The following SOX5 variants were observed in gnomAD, a reference collection of about 807,000 sequenced individuals.
SOX5 encodes the protein transcription factor SOX-5.
SOX5 carries 9 observed loss-of-function variants against 92.0 expected under a neutral mutation model. The ratio of observed to expected loss-of-function variants is 0.10; its 90% CI spans 0.06 to 0.17. The LOEUF (loss-of-function observed/expected upper bound fraction) is 0.17. Among genes scored for constraint, SOX5 ranks in the 10% least tolerant of loss-of-function variants. SOX5 has a pLI of 1.00. For synonymous variants in SOX5, 344 were observed against 336.3 expected (o/e 1.02, Z -0.25); for missense variants, 642 against 944.5 (o/e 0.68, Z 4.20).
At chr12:24,261,483 C>T (rs1942077062) in intron 3 of SOX5, among the ~76,000 whole-genome samples, 2 of 152,286 alleles carry the variant, frequency 1.3e-5, no homozygotes, top group African/African-American at 4.8e-5. Context: ...CGAAAATCCA[C>T]TCCCACCTAC....
chr12:24,477,830 T>C (rs1945563555), intron 1 of SOX5, among the ~76,000 whole-genome samples: 1 of 152,086 alleles, frequency 6.6e-6, no homozygotes, highest in Non-Finnish European at 1.5e-5. Flanking sequence ...TAGATAGAAG[T>C]ATTAATCATT....
At chr12:23,657,158 A>G (rs2082412044) in intron 7 of SOX5, among the ~76,000 whole-genome samples, 1 of 151,966 alleles carries the variant, frequency 6.6e-6, no homozygotes, top group African/African-American at 2.4e-5. Flanking sequence ...TGGATAAGGT[A>G]TCTAAGACCA....
intron 4 of SOX5, among the ~76,000 whole-genome samples, chr12:23,960,460 CATGTTTTATATATAT>C (rs1279104904): frequency 3.6e-5 from 5 of 137,198 alleles, no homozygotes; most frequent in African/African-American, 5.6e-5. Context: ...CATGTGAATC[CATGTTTTATATATAT>C]ATGTTTTATA....
At chr12:23,858,087 GTGTA>G (rs1056874049) in intron 2 of SOX5, among the ~76,000 whole-genome samples, 1 of 151,784 alleles carries the variant, frequency 6.6e-6, no homozygotes, top group African/African-American at 2.4e-5. Flanking sequence ...GTGTGTGTGT[GTGTA>G]TATGCAAGGC....
At chr12:24,131,704 A>G (rs1565497967) in intron 4 of SOX5, among the ~76,000 whole-genome samples, 3 of 152,188 alleles carry the variant, frequency 2.0e-5, no homozygotes, top group Non-Finnish European at 4.4e-5. Context: ...ATACTTTAGG[A>G]ATTATGAACT....
At chr12:23,741,980 C>T (rs2093813101) in intron 4 of SOX5, among the ~76,000 whole-genome samples, 1 of 152,108 alleles carries the variant, frequency 6.6e-6, no homozygotes, top group African/African-American at 2.4e-5. Flanking sequence ...TCTTTTAGAA[C>T]TCACAAGATA....
chr12:23,534,120 A>T lies in SOX5; in HGVS notation c.*99T>A. On this transcript the variant is annotated 3_prime_UTR_variant, in exon 15 of 15. Transcript: ENST00000451604. The stretch of plus-strand genomic sequence containing the variant: ...ATTTAAGACTAACAGTTAAAGTAAC[A>T]GTCAGTGTATGAGAAAGTTAATGTG... 1 of 929,216 alleles carries T rather than the reference A, an allele frequency of 1.1e-6. No individual in the cohort carries two copies. 57.6% of individuals were successfully genotyped at this position (929,216 alleles called of 1,614,324 possible). A position where few individuals can be genotyped will look rare whatever the true frequency, so the allele number is the denominator to read the frequency against.
intron 9 of SOX5, among the ~76,000 whole-genome samples, chr12:23,580,483 T>C (rs1039591262): frequency 6.6e-6 from 1 of 152,026 alleles, no homozygotes; most frequent in Admixed American, 6.6e-5. Flanking sequence ...CTCTATGCTA[T>C]ATAGCATTGA....
Position 24,338,515 on chromosome 12 carries a change from C to T in SOX5, c.-174+30048G>A, listed in dbSNP as rs1423125307. 3.9e-5 allele frequency among the ~76,000 whole-genome samples: 6 copies of T among 152,250 alleles called. No homozygotes were observed. In the South Asian group the frequency reaches 1.0e-3, roughly 26 times the overall value. On this transcript the variant is annotated intron_variant, in intron 2 of 4. Coordinates refer to the SOX5 transcript ENST00000446891. ...TAGGAAATAAAGTTGATATTTAATG[C>T]TTGTAATGGTGTTTGTACATCAGGT... is the stretch of plus-strand genomic sequence containing the variant.
chr12:24,070,989 C>G (rs982880794), intron 4 of SOX5, among the ~76,000 whole-genome samples: 3 of 152,088 alleles, frequency 2.0e-5, no homozygotes, highest in Non-Finnish European at 4.4e-5. Context: ...ACCTTATATG[C>G]CAAACATTAT....
At chr12:24,118,321 T>C (rs1314263901) in intron 4 of SOX5, among the ~76,000 whole-genome samples, 4 of 152,208 alleles carry the variant, frequency 2.6e-5, no homozygotes, top group African/African-American at 9.6e-5. Flanking sequence ...GTATTTGTAC[T>C]ATCTACTATG....
chr12:24,438,956 G>A (rs12228324), intron 1 of SOX5, among the ~76,000 whole-genome samples: 2,270 of 152,336 alleles, frequency 0.015, 27 homozygotes, highest in Non-Finnish European at 0.025. Flanking sequence ...TCTACTGTGG[G>A]TAAAATGCTG....
intron 3 of SOX5, among the ~76,000 whole-genome samples, chr12:23,829,986 A>G (rs4430596): frequency 0.98 from 149,345 of 152,214 alleles, 73,337 homozygotes; most frequent in East Asian, 1. Flanking sequence ...ATTACCAAGC[A>G]GAATTTCTGA....
chr12:24,529,091 G>A (rs1319771080), intron 1 of SOX5, among the ~76,000 whole-genome samples: 5 of 152,168 alleles, frequency 3.3e-5, no homozygotes, highest in African/African-American at 1.2e-4. Flanking sequence ...ACTAGCCTAA[G>A]GTCAGAAGGA....
intron 6 of SOX5, among the ~76,000 whole-genome samples, chr12:23,697,629 C>A (rs1338991624): frequency 1.3e-5 from 2 of 152,204 alleles, no homozygotes; most frequent in Non-Finnish European, 2.9e-5. Flanking sequence ...CAGCTCACAG[C>A]AACCTCTGCC....
intron 6 of SOX5, among the ~76,000 whole-genome samples, chr12:23,692,250 T>C (rs935226503): frequency 1.3e-5 from 2 of 151,646 alleles, no homozygotes; most frequent in African/African-American, 4.8e-5. Flanking sequence ...ACGGCCAACA[T>C]AGTGAGACTC....
At position 24,506,806 on chromosome 12, in the gene SOX5, T is replaced by TGGAGACG. The variant is rs59320310; in HGVS notation, c.-251+55516_-251+55522dup. 3.8e-4 allele frequency among the ~76,000 whole-genome samples: 53 copies of TGGAGACG among 138,374 alleles called. 1 individual carries two copies. The highest frequency in any genetic ancestry group is 1.4e-3 in the African/African-American group (50 of 35,918). 90.8% of individuals were successfully genotyped at this position (138,374 alleles called of 152,430 possible). A position where few individuals can be genotyped will look rare whatever the true frequency, so the allele number is the denominator to read the frequency against. On this transcript the variant is annotated intron_variant, in intron 1 of 4. Transcript: ENST00000446891. Reference sequence around the variant, plus strand: ...GGTCTTTTTTTTTTTTTTTTTTTTTTGGAGACGGGAGTCTCGCTCTGTCGC... The same window carrying TGGAGACG: ...GGTCTTTTTTTTTTTTTTTTTTTTTTGGAGACGGGAGACGGGAGTCTCGCTCTGTCGC...
chr12:24,040,502 T>C (rs143856637), intron 4 of SOX5, among the ~76,000 whole-genome samples: 11 of 152,364 alleles, frequency 7.2e-5, no homozygotes, highest in African/African-American at 2.6e-4. Flanking sequence ...CTCTGACAAT[T>C]GAAAAATAGA....
At chr12:23,771,998 A>C (rs2094949780) in intron 3 of SOX5, among the ~76,000 whole-genome samples, 1 of 152,226 alleles carries the variant, frequency 6.6e-6, no homozygotes, top group South Asian at 2.1e-4. Context: ...TTCCTCTGCC[A>C]AAATGGACGT....
Sources: allele counts gnomAD v4.1 joint callset (sites outside exome capture counted in the v4.1 genomes callset), GRCh38; gene constraint gnomAD v4.1.1; transcripts MANE v1.5; gene names NCBI Gene and HGNC (gene_info 2026-07-23, HGNC 2026-07-21).